Variants in UNC93B1 observed in about 807,000 individuals in gnomAD.
UNC93B1 encodes protein unc-93 homolog B1.
UNC93B1 carries 33 observed loss-of-function variants against 56.8 expected under a neutral mutation model. That is an observed-to-expected ratio of 0.58 (90% CI 0.44 to 0.78). UNC93B1 has a LOEUF of 0.78. Among genes scored for constraint, UNC93B1 ranks in the 30% least tolerant of loss-of-function variants. UNC93B1 has a pLI of 0.00. For synonymous variants in UNC93B1, 334 were observed against 358.6 expected (o/e 0.93, Z 0.77); for missense variants, 673 against 819.5 (o/e 0.82, Z 2.18).
At chr11:67,998,315 A>G (rs1319484279) in intron 6 of UNC93B1, 44 bp downstream of exon 6, 3 of 1,604,784 alleles carry the variant, frequency 1.9e-6, no homozygotes, top group Non-Finnish European at 2.6e-6. Flanking sequence ...TGGGGAAGTA[A>G]GCAGGCTTTG....
rs1334013189 is a variant in UNC93B1 at position 67,999,788 on chromosome 11, TAG to T, written c.393-110_393-109del. 5 of 1,421,692 alleles carry T rather than the reference TAG, an allele frequency of 3.5e-6. No individual in the cohort carries two copies. In the Admixed American group the frequency reaches 7.0e-5, roughly 20 times the overall value. 88.1% of individuals were successfully genotyped at this position (1,421,692 alleles called of 1,614,324 possible). On this transcript the variant is annotated intron_variant, in intron 3 of 10. Coordinates refer to ENST00000227471, the MANE Select transcript of UNC93B1 (RefSeq NM_030930.4). The stretch of plus-strand genomic sequence containing the variant: ...TCCCAGCTCACAGGGCTTTGTGAGG[TAG>T]AGAGAGTCGAGGGCACTGAGATGGA...
At position 68,003,571 on chromosome 11, in the gene UNC93B1, G is replaced by T; in HGVS notation, c.238+86C>A. The T allele has an allele frequency of 6.9e-7, 1 of 1,459,182 alleles. No homozygotes were observed. The highest frequency in any genetic ancestry group is 9.0e-7 in the Non-Finnish European group (1 of 1,107,748). The allele number at this position is 1,459,182 out of a possible 1,614,324, so 90.4% of individuals were successfully genotyped here. A position where few individuals can be genotyped will look rare whatever the true frequency, so the allele number is the denominator to read the frequency against. ...GGGCAGCGGAGGGGAAGTGAGAGCG[G>T]GCGGGAGGCGGCGGCCCGCGGTTTC... On this transcript the variant is annotated intron_variant, in intron 2 of 10. Transcript: ENST00000227471. This position sits in a 1 kb window ranked among gnomAD's most constrained non-coding sequence, Gnocchi z 4.4.
At chr11:67,994,926 GAGC>G (rs1856909998) in intron 9 of UNC93B1, among the ~76,000 whole-genome samples, 1 of 152,212 alleles carries the variant, frequency 6.6e-6, no homozygotes, top group African/African-American at 2.4e-5. Flanking sequence ...TGTGGTCAGG[GAGC>G]ATCCTGGAGC....
intron 3 of UNC93B1, among the ~76,000 whole-genome samples, chr11:68,002,434 G>A (rs1857062234): frequency 6.6e-6 from 1 of 152,162 alleles, no homozygotes; most frequent in Non-Finnish European, 1.5e-5. Flanking sequence ...TTGTTTGTTT[G>A]TTTGTTTTAA....
chr11:67,992,044 G>A (rs918608160), intron 10 of UNC93B1, among the ~76,000 whole-genome samples, 187 bp from the exon 11 acceptor site: 1 of 152,386 alleles, frequency 6.6e-6, no homozygotes, highest in Admixed American at 6.5e-5. Context: ...CTCACATCCA[G>A]CACTGTCCCT....
intron 7 of UNC93B1, 88 bp downstream of exon 7, chr11:67,997,587 C>A: frequency 6.3e-7 from 1 of 1,578,054 alleles, no homozygotes; most frequent in Non-Finnish European, 8.6e-7. Flanking sequence ...CCAGGCCATG[C>A]CATCCGATCC....
intron 9 of UNC93B1, among the ~76,000 whole-genome samples, chr11:67,994,133 G>A (rs1369447660): frequency 2.0e-5 from 3 of 152,192 alleles, no homozygotes; most frequent in South Asian, 2.1e-4. Flanking sequence ...GCTTGCAGGC[G>A]CTGTTTCTCC....
At chr11:67,996,439 G>C (rs955779805) in intron 8 of UNC93B1, among the ~76,000 whole-genome samples, 163 bp downstream of exon 8, 5 of 152,288 alleles carry the variant, frequency 3.3e-5, no homozygotes, top group Non-Finnish European at 7.4e-5. Flanking sequence ...AAGGTAAAGG[G>C]GGGACGGGGG....
chr11:67,996,039 G>A, intron 8 of UNC93B1, 155 bp from the exon 9 acceptor site: 1 of 535,984 alleles, frequency 1.9e-6, no homozygotes, highest in Admixed American at 3.9e-5. Flanking sequence ...GCATCGTGGG[G>A]GGTGCCTCAC....
intron 9 of UNC93B1, among the ~76,000 whole-genome samples, chr11:67,995,161 G>A (rs1301573681): frequency 6.6e-6 from 1 of 152,200 alleles, no homozygotes; most frequent in Non-Finnish European, 1.5e-5. Flanking sequence ...TGCTCCAAGT[G>A]TCATGAAAAC....
At chr11:68,001,754 C>G (rs1318502328) in intron 3 of UNC93B1, among the ~76,000 whole-genome samples, 1 of 151,846 alleles carries the variant, frequency 6.6e-6, no homozygotes, top group Non-Finnish European at 1.5e-5. Flanking sequence ...CAATTCCAAG[C>G]CACTGTTCAG....
At chr11:67,995,960 G>GA (rs1856938876) in intron 8 of UNC93B1, 76 bp from the exon 9 acceptor site, 1 of 1,362,800 alleles carries the variant, frequency 7.3e-7, no homozygotes, top group Admixed American at 3.1e-5. Context: ...CGCATCGCGG[G>GA]GGTGCCTCAC....
rs570462260 is a variant in UNC93B1, at chr11:67,997,536, C to G, written c.906+139G>C. On this transcript the variant is annotated intron_variant, in intron 7 of 10. Transcript: ENST00000227471. ...GGCCCTAGCTCCCCAACTCAGATCG[C>G]GCTCCCAGGCCTACGGCCTGCCCCG... The G allele has an allele frequency of 3.1e-5, 44 of 1,427,456 alleles. No homozygotes were observed. The South Asian group carries it at 4.4e-4, about 14-fold the overall frequency. 88.4% of individuals were successfully genotyped at this position (1,427,456 alleles called of 1,614,324 possible). A position where few individuals can be genotyped will look rare whatever the true frequency, so the allele number is the denominator to read the frequency against.
Position 67,995,481 on chromosome 11 carries a change from C to T in UNC93B1, c.1363+130G>A, listed in dbSNP as rs1590759635. On this transcript the variant is annotated intron_variant, in intron 9 of 10. Coordinates refer to ENST00000227471, the MANE Select transcript of UNC93B1 (RefSeq NM_030930.4). ...AAGCCCCACCTGCCTCTGCCATGTC[C>T]ACAGGACCCTATGTGACCATGGGAC... is the stretch of plus-strand genomic sequence containing the variant. The T allele has an allele frequency of 1.1e-5, 9 of 812,046 alleles. No homozygotes were observed. In the East Asian group the frequency reaches 2.2e-4, roughly 20 times the overall value. 50.3% of individuals were successfully genotyped at this position (812,046 alleles called of 1,614,324 possible).
At position 68,003,546 on chromosome 11, in the gene UNC93B1, G is replaced by C. The variant is rs1241088529; in HGVS notation, c.238+111C>G. 2 of 1,390,320 alleles carry C rather than the reference G, an allele frequency of 1.4e-6. No homozygotes were observed. The highest frequency in any genetic ancestry group is 1.5e-5 in the African/African-American group (1 of 66,184). 86.1% of individuals were successfully genotyped at this position (1,390,320 alleles called of 1,614,324 possible). ...CGGGGGGCCGTGGCTGCAGCTGCGA[G>C]GGCAGCGGAGGGGAAGTGAGAGCGG... On this transcript the variant is annotated intron_variant, in intron 2 of 10. Coordinates refer to ENST00000227471, the MANE Select transcript of UNC93B1 (RefSeq NM_030930.4). This position sits in a 1 kb window ranked among gnomAD's most constrained non-coding sequence, Gnocchi z 4.4.
Position 67,999,629 on chromosome 11 carries a change from G to A in UNC93B1, c.444C>T (p.Leu148=), listed in dbSNP as rs368427313. 1,615 of 1,611,390 alleles carry A rather than the reference G, an allele frequency of 1.0e-3. 3 individuals carry two copies. The highest frequency in any genetic ancestry group is 1.3e-3 in the Non-Finnish European group (1,534 of 1,178,898). The change falls in exon 4 of 11, where the codon CTC becomes CTT. Residue 148 remains leucine (L), a synonymous_variant. Coordinates refer to ENST00000227471, the MANE Select transcript of UNC93B1 (RefSeq NM_030930.4). ...GCTCCCAGTAGTTGGTGGAGACAAA[G>A]AGGGCGTAGATGCCCACAGCGAGGA... ...MMFLAVGIYA[L]FVSTNYWERY...
Position 67,998,461 on chromosome 11 carries a change from A to T in UNC93B1, c.688-9T>A, listed in dbSNP as rs1304107508. On this transcript the variant is annotated splice_polypyrimidine_tract_variant and intron_variant, in intron 5 of 10. Transcript: ENST00000227471. The stretch of plus-strand genomic sequence containing the variant: ...GCGCAGGCGAAGCTCAGCTGCAGAA[A>T]CAAGGGCAGTTGGGACCAGACTCAG... 6.2e-7 allele frequency: 1 copy of T among 1,613,682 alleles called. No individual in the cohort carries two copies. The highest frequency in any genetic ancestry group is 8.5e-7 in the Non-Finnish European group (1 of 1,179,808).
rs1468872451 is a variant in UNC93B1 at position 68,003,102 on chromosome 11, C to T, written c.312G>A (p.Leu104=). The change falls in exon 3 of 11, where the codon CTG becomes CTA. Residue 104 remains leucine (L), a synonymous_variant. Transcript: ENST00000227471. This position sits in a 1 kb window ranked among gnomAD's most constrained non-coding sequence, Gnocchi z 4.4. The stretch of plus-strand genomic sequence containing the variant: ...TCAGCATTTTGCTGTCGATGTCGGG[C>T]AGCCCCATGTTGCCATACTTCACCT... ...YREVKYGNMG[L]PDIDSKMLMG... 2 of 1,613,668 alleles carry T rather than the reference C, an allele frequency of 1.2e-6. No individual in the cohort carries two copies.
intron 9 of UNC93B1, among the ~76,000 whole-genome samples, chr11:67,994,044 G>A (rs1482751084): frequency 1.3e-5 from 2 of 152,134 alleles, no homozygotes; most frequent in Non-Finnish European, 2.9e-5. Context: ...TTCCCGCTCC[G>A]CACCACATGC....
Sources: gnomAD v4.1 joint callset for allele counts (sites outside exome capture counted in the v4.1 genomes callset) on GRCh38, gnomAD v4.1.1 for gene constraint, Gnocchi (gnomAD v3.1) non-coding constraint, MANE v1.5 for transcripts, NCBI Gene and HGNC (gene_info 2026-07-23, HGNC 2026-07-21) for gene names.